The following SGCZ variants were observed in gnomAD, a reference collection of about 807,000 sequenced individuals.
SGCZ encodes zeta-sarcoglycan.
Under a neutral mutation model 41.3 loss-of-function variants are expected in SGCZ, and 40 were observed. The ratio of observed to expected loss-of-function variants is 0.97; its 90% CI spans 0.75 to 1.26. The LOEUF is 1.26. Among genes scored for constraint, SGCZ ranks in the 50% most tolerant of loss-of-function variants. The pLI is 0.00. For synonymous variants in SGCZ, 206 were observed against 137.5 expected (o/e 1.50, Z -3.49); for missense variants, 552 against 369.8 (o/e 1.49, Z -4.04).
intron 2 of SGCZ, among the ~76,000 whole-genome samples, chr8:14,380,041 G>T (rs1485797581): frequency 2.0e-5 from 3 of 152,196 alleles, no homozygotes; most frequent in South Asian, 4.1e-4. Flanking sequence ...CAAGAATGTT[G>T]TTTTAATCTT....
At chr8:14,107,530 T>C (rs1270339240) in intron 6 of SGCZ, among the ~76,000 whole-genome samples, 1 of 152,226 alleles carries the variant, frequency 6.6e-6, no homozygotes, top group East Asian at 1.9e-4. Flanking sequence ...TCCGTGGTCA[T>C]TTATAGCTTT....
At chr8:14,147,271 GCTGAATAAATGAAAAAA>G (rs1202203883) in intron 5 of SGCZ, among the ~76,000 whole-genome samples, 1 of 152,064 alleles carries the variant, frequency 6.6e-6, no homozygotes, top group East Asian at 1.9e-4. Flanking sequence ...ACAGTGACTG[GCTGAATAAATGAAAAAA>G]CAGGACCCAA....
intron 1 of SGCZ, among the ~76,000 whole-genome samples, chr8:14,590,371 A>C (rs1355561660): frequency 6.6e-6 from 1 of 151,962 alleles, no homozygotes; most frequent in African/African-American, 2.4e-5. Context: ...GGATTTTTCT[A>C]AAAGATGTAA....
At chr8:15,095,688 C>T (rs182238566) in intron 1 of SGCZ, among the ~76,000 whole-genome samples, 1 of 152,076 alleles carries the variant, frequency 6.6e-6, no homozygotes, top group Admixed American at 6.6e-5. Flanking sequence ...GCCCATTGAC[C>T]TTTACCCCCA....
chr8:14,761,531 A>ATT (rs1293472620), intron 1 of SGCZ, among the ~76,000 whole-genome samples: 8 of 139,584 alleles, frequency 5.7e-5, no homozygotes, highest in East Asian at 2.0e-4. Flanking sequence ...TTATTTATTT[A>ATT]TTTATTTATT....
At chr8:14,656,335 C>T (rs994015371) in intron 1 of SGCZ, among the ~76,000 whole-genome samples, 9 of 150,844 alleles carry the variant, frequency 6.0e-5, no homozygotes, top group African/African-American at 2.2e-4. Flanking sequence ...TCCTCTATCC[C>T]TCCCTTCCTT....
chr8:15,096,295 C>T (rs1050155678), intron 1 of SGCZ, among the ~76,000 whole-genome samples: 3 of 151,874 alleles, frequency 2.0e-5, no homozygotes, highest in African/African-American at 4.8e-5. Flanking sequence ...ACCATATTGG[C>T]CAGGCTGGTC....
chr8:14,164,645 C>A lies in SGCZ; in HGVS notation c.482G>T (p.Gly161Val), dbSNP rs767192685. ...TTCATCTGCAGAAAACAGCACCCTG[C>A]CATCTTCACTGGCTCTCACTTCAAA... ...KRFEVRASED[G>V]RVLFSADEDE... Residue 161 changes from glycine (G) to valine (V), a missense_variant, in exon 5 of 8, where the codon GGC (glycine) becomes GTC (valine). Coordinates refer to ENST00000382080, the MANE Select transcript of SGCZ (RefSeq NM_139167.4). The A allele has an allele frequency of 6.2e-7, 1 of 1,613,624 alleles. No individual in the cohort carries two copies. The highest frequency in any genetic ancestry group is 1.1e-5 in the South Asian group (1 of 91,072).
intron 1 of SGCZ, among the ~76,000 whole-genome samples, chr8:14,558,508 G>C (rs977557374): frequency 6.6e-6 from 1 of 150,962 alleles, no homozygotes; most frequent in African/African-American, 2.4e-5. Flanking sequence ...CCGGAAGGCA[G>C]AGGTTGCAGT....
intron 1 of SGCZ, among the ~76,000 whole-genome samples, chr8:14,983,773 G>A (rs112454329): frequency 2.0e-5 from 3 of 152,146 alleles, no homozygotes; most frequent in African/African-American, 4.8e-5. Context: ...AGCAAAGGAG[G>A]GTACTGGGCC....
intron 4 of SGCZ, among the ~76,000 whole-genome samples, chr8:14,201,774 A>T (rs991560661): frequency 1.3e-5 from 2 of 152,196 alleles, no homozygotes; most frequent in Non-Finnish European, 2.9e-5. Context: ...TACACAAATT[A>T]TACCTTCACA....
intron 1 of SGCZ, among the ~76,000 whole-genome samples, chr8:15,130,149 T>C (rs12056855): frequency 0.13 from 19,695 of 152,140 alleles, 1,321 homozygotes; most frequent in South Asian, 0.21. Context: ...CTTAAAGGAA[T>C]GTGTTGGCTC....
At chr8:14,280,401 T>C (rs1323271954) in intron 3 of SGCZ, among the ~76,000 whole-genome samples, 2 of 151,860 alleles carry the variant, frequency 1.3e-5, no homozygotes, top group East Asian at 3.9e-4. Context: ...CTTTTATTCC[T>C]TTATCTAATA....
chr8:14,480,239 A>C (rs2117002890), intron 2 of SGCZ, among the ~76,000 whole-genome samples: 1 of 152,350 alleles, frequency 6.6e-6, no homozygotes, highest in Non-Finnish European at 1.5e-5. Context: ...ACACAATGCC[A>C]AGTGTAATAT....
chr8:14,263,175 A>G (rs564025532), intron 3 of SGCZ, among the ~76,000 whole-genome samples: 1 of 152,286 alleles, frequency 6.6e-6, no homozygotes, highest in Admixed American at 6.5e-5. Flanking sequence ...TTTTTCAACA[A>G]ATCGTAAGTG....
At chr8:14,288,010 G>A (rs1397158993) in intron 3 of SGCZ, among the ~76,000 whole-genome samples, 2 of 152,042 alleles carry the variant, frequency 1.3e-5, no homozygotes, top group Non-Finnish European at 2.9e-5. Context: ...TACTATTTAT[G>A]AGAAGTAAAT....
chr8:15,089,282 T>C (rs1806063283), intron 1 of SGCZ, among the ~76,000 whole-genome samples: 1 of 152,150 alleles, frequency 6.6e-6, no homozygotes, highest in Non-Finnish European at 1.5e-5. Context: ...GCTATTATAT[T>C]AAGTAGAACA....
intron 4 of SGCZ, among the ~76,000 whole-genome samples, chr8:14,165,713 T>C (rs1804188325): frequency 6.6e-6 from 1 of 152,156 alleles, no homozygotes; most frequent in South Asian, 2.1e-4. Flanking sequence ...ATGTGGGGCA[T>C]AGTTCTTTTC....
intron 5 of SGCZ, among the ~76,000 whole-genome samples, chr8:14,127,633 T>A (rs1244855725): frequency 1.3e-5 from 2 of 151,974 alleles, no homozygotes; most frequent in Non-Finnish European, 2.9e-5. Flanking sequence ...TTTTTTGTAT[T>A]TTTTAGTAGA....
Sources: gnomAD v4.1 joint callset for allele counts (sites outside exome capture counted in the v4.1 genomes callset) on GRCh38, gnomAD v4.1.1 for gene constraint, MANE v1.5 for transcripts, NCBI Gene and HGNC (gene_info 2026-07-23, HGNC 2026-07-21) for gene names.